EPAS1: variants seen among roughly 807,000 people sequenced by gnomAD.
The protein encoded by EPAS1 is endothelial PAS domain-containing protein 1.
In EPAS1, 23 loss-of-function variants were observed where a neutral mutation model predicts 87.9. That is an observed-to-expected ratio of 0.26 (90% CI 0.19 to 0.37). EPAS1 has a LOEUF of 0.37. Ranked by LOEUF, EPAS1 falls within the 10% of genes least tolerant of loss-of-function variation. EPAS1 has a pLI of 1.00. For missense variants in EPAS1, 1,138 were observed against 1,120.7 expected (o/e 1.02, Z -0.22); for synonymous variants, 508 against 444.3 (o/e 1.14, Z -1.80).
chr2:46,365,357 G>C (rs1443513107), intron 6 of EPAS1, among the ~76,000 whole-genome samples: 1 of 152,116 alleles, frequency 6.6e-6, no homozygotes, highest in Admixed American at 6.5e-5. Context: ...AGGGAACATA[G>C]GACATATTAA....
rs967487058 is a variant in EPAS1 at position 46,297,798 on chromosome 2, C to T, written c.-114C>T. The T allele has an allele frequency of 4.1e-6, 6 of 1,454,522 alleles. No individual in the cohort carries two copies. The highest frequency in any genetic ancestry group is 1.4e-5 in the African/African-American group (1 of 70,792). 90.1% of individuals were successfully genotyped at this position (1,454,522 alleles called of 1,614,324 possible). A position where few individuals can be genotyped will look rare whatever the true frequency, so the allele number is the denominator to read the frequency against. On this transcript the variant is annotated 5_prime_UTR_variant, in exon 1 of 16. Coordinates refer to ENST00000263734, the MANE Select transcript of EPAS1 (RefSeq NM_001430.5). ...CGGGGCGCTCGGGACCTGCGCGCAC[C>T]TCGGACCTTCACCACCCGCCCGGGC...
At position 46,305,568 on chromosome 2, in the gene EPAS1, A is replaced by G. The variant is rs556356809; in HGVS notation, c.26+7631A>G. 2.0e-5 allele frequency among the ~76,000 whole-genome samples: 3 copies of G among 152,342 alleles called. No individual in the cohort carries two copies. The East Asian group carries it at 5.8e-4, about 29-fold the overall frequency. On this transcript the variant is annotated intron_variant, in intron 1 of 15. Coordinates refer to ENST00000263734, the MANE Select transcript of EPAS1 (RefSeq NM_001430.5). ...CTTTTCTCATGTGGAAAAATATTTC[A>G]GAAAGGGTGTCTTGTCAATGAGAAA...
Position 46,315,343 on chromosome 2 carries a change from G to A in EPAS1, c.26+17406G>A, listed in dbSNP as rs914490338. Among the ~76,000 whole-genome samples the A allele has an allele frequency of 3.9e-5, 6 of 152,134 alleles. No individual in the cohort carries two copies. The East Asian group carries it at 5.8e-4, about 15-fold the overall frequency. ...AGTCATGTTGTACAGAGGGGGCGGG[G>A]GTGCATACTGTGGGACGGAGGTGAG... On this transcript the variant is annotated intron_variant, in intron 1 of 15. Coordinates refer to ENST00000263734, the MANE Select transcript of EPAS1 (RefSeq NM_001430.5).
rs1392053143 is a variant in EPAS1 at position 46,386,589 on chromosome 2, G to A, written c.*1929G>A. On this transcript the variant is annotated 3_prime_UTR_variant, in exon 16 of 16. Coordinates refer to ENST00000263734, the MANE Select transcript of EPAS1 (RefSeq NM_001430.5). ...CTGTCAACGTAACGATTTCATGAACGTTATTATATTGTCGAATTCCTACTG... is the reference window on the plus strand; with the variant it reads ...CTGTCAACGTAACGATTTCATGAACATTATTATATTGTCGAATTCCTACTG... The A allele has an allele frequency of 2.0e-5, 3 of 152,586 alleles. No homozygotes were observed. The highest frequency in any genetic ancestry group is 7.2e-5 in the African/African-American group (3 of 41,428). 9.5% of individuals were successfully genotyped at this position (152,586 alleles called of 1,614,324 possible).
In EPAS1 at chr2:46,362,977, AGTG is replaced by A. The variant is rs75642579; in HGVS notation, c.779+1927_779+1929del. On this transcript the variant is annotated intron_variant, in intron 6 of 15. Transcript: ENST00000263734. ...TAGTGGTGGTGGTGGTGGTGGTGGTAGTGGTGGTGGTGGTGGTGGTGGTGGTGG... is the reference window on the plus strand; with the variant it reads ...TAGTGGTGGTGGTGGTGGTGGTGGTAGTGGTGGTGGTGGTGGTGGTGGTGG... 1.8e-3 allele frequency among the ~76,000 whole-genome samples: 183 copies of A among 104,360 alleles called. 1 individual carries two copies. Among genetic ancestry groups the A allele is most frequent in the Middle Eastern group, 5.4e-3 (1 of 186 alleles). 68.5% of individuals were successfully genotyped at this position (104,360 alleles called of 152,430 possible). A position where few individuals can be genotyped will look rare whatever the true frequency, so the allele number is the denominator to read the frequency against.
intron 15 of EPAS1, among the ~76,000 whole-genome samples, chr2:46,383,419 G>C (rs552738295): frequency 6.6e-6 from 1 of 152,332 alleles, no homozygotes; most frequent in African/African-American, 2.4e-5. Context: ...GGTTTGTTTG[G>C]CCTGAAAATA....
At chr2:46,301,837 AAAGG>A (rs1287035206) in intron 1 of EPAS1, among the ~76,000 whole-genome samples, 4 of 151,986 alleles carry the variant, frequency 2.6e-5, no homozygotes, top group Non-Finnish European at 1.5e-5. Flanking sequence ...AAAAAAAAAA[AAAGG>A]AAGCAGAGTT....
chr2:46,326,440 C>G (rs1683567345), intron 1 of EPAS1, among the ~76,000 whole-genome samples: 1 of 152,100 alleles, frequency 6.6e-6, no homozygotes, highest in South Asian at 2.1e-4. Flanking sequence ...GGGGATGAGC[C>G]TCCCACGTGA....
At chr2:46,340,809 G>A (rs993364627) in intron 1 of EPAS1, among the ~76,000 whole-genome samples, 1 of 152,066 alleles carries the variant, frequency 6.6e-6, no homozygotes, top group African/African-American at 2.4e-5. Flanking sequence ...CTGCAGCCTC[G>A]AGCTCCCAGG....
intron 1 of EPAS1, among the ~76,000 whole-genome samples, chr2:46,298,906 C>A (rs1352365058): frequency 1.3e-5 from 2 of 152,234 alleles, no homozygotes; most frequent in African/African-American, 4.8e-5. Flanking sequence ...CCTTTCTCCT[C>A]CTGTCTCCAC....
intron 2 of EPAS1, among the ~76,000 whole-genome samples, chr2:46,354,486 C>A (rs1434857255): frequency 6.6e-6 from 1 of 151,504 alleles, no homozygotes; most frequent in African/African-American, 2.4e-5. Context: ...AACCAAAGGC[C>A]TGGGGCCTAA....
At chr2:46,337,529 C>G (rs937962158) in intron 1 of EPAS1, among the ~76,000 whole-genome samples, 2 of 152,180 alleles carry the variant, frequency 1.3e-5, no homozygotes, top group Non-Finnish European at 2.9e-5. Context: ...CGTTTTACAT[C>G]TCAGGCCTTT....
chr2:46,380,479 C>A lies in EPAS1; in HGVS notation c.1807C>A (p.Pro603Thr). The change falls in exon 12 of 16, where the codon CCC becomes ACC. Residue 603 changes from proline (P) to threonine (T), a missense_variant. By Grantham distance (38) the Pro-to-Thr change is conservative. Around this residue, in one of 4 missense-constraint regions of EPAS1, gnomAD observed 502 missense variants for 427.1 expected, o/e 1.18. Transcript: ENST00000263734. This position sits in a 1 kb window ranked among gnomAD's most constrained non-coding sequence, Gnocchi z 4.4. Reference sequence around the variant, plus strand: ...CAAGAAGACAGAGCCCGAGCACCGGCCCATGTCCTCCATCTTCTTTGATGC... The same window carrying A: ...CAAGAAGACAGAGCCCGAGCACCGGACCATGTCCTCCATCTTCTTTGATGC... ...ESKKTEPEHRPMSSIFFDAGS... is the reference protein window; with the variant it reads ...ESKKTEPEHRTMSSIFFDAGS... 6.2e-7 allele frequency: 1 copy of A among 1,614,184 alleles called. No individual in the cohort carries two copies. Among genetic ancestry groups the A allele is most frequent in the African/African-American group, 1.3e-5 (1 of 75,052 alleles).
intron 15 of EPAS1, among the ~76,000 whole-genome samples, chr2:46,382,836 C>T (rs890549018): frequency 7.2e-5 from 11 of 152,200 alleles, no homozygotes; most frequent in Non-Finnish European, 4.4e-5. Context: ...AACTCAAACT[C>T]AGGCTAGAAT....
At chr2:46,316,212 GTTATGT>G (rs1198152939) in intron 1 of EPAS1, among the ~76,000 whole-genome samples, 1 of 151,746 alleles carries the variant, frequency 6.6e-6, no homozygotes, top group Non-Finnish European at 1.5e-5. Flanking sequence ...GCATATGAAA[GTTATGT>G]TTATATTTTA....
In EPAS1 at chr2:46,347,047, C is replaced by T; in HGVS notation, c.201C>T (p.His67=). The change falls in exon 2 of 16, where the codon CAC becomes CAT. Residue 67 remains histidine (H), a synonymous_variant. Coordinates refer to ENST00000263734, the MANE Select transcript of EPAS1 (RefSeq NM_001430.5). This position sits in a 1 kb window ranked among gnomAD's most constrained non-coding sequence, Gnocchi z 4.2. The part of the protein sequence containing the change: ...MRLAISFLRT[H]KLLSSVCSEN... ...TGGCAATCAGCTTCCTGCGAACACA[C>T]AAGCTCCTCTCCTCAGGTAAGGCCA... is the stretch of plus-strand genomic sequence containing the variant. 1 of 1,614,222 alleles carries T rather than the reference C, an allele frequency of 6.2e-7. No homozygotes were observed. Among genetic ancestry groups the T allele is most frequent in the Non-Finnish European group, 8.5e-7 (1 of 1,180,038 alleles).
At chr2:46,324,563 C>G (rs1683516577) in intron 1 of EPAS1, among the ~76,000 whole-genome samples, 1 of 152,212 alleles carries the variant, frequency 6.6e-6, no homozygotes, top group Admixed American at 6.5e-5. Flanking sequence ...CAAACCAAGA[C>G]ACAGTTAAAG....
intron 1 of EPAS1, among the ~76,000 whole-genome samples, chr2:46,342,584 C>G (rs1030221629): frequency 6.6e-6 from 1 of 152,158 alleles, no homozygotes; most frequent in African/African-American, 2.4e-5. Flanking sequence ...AAAAGTCTAG[C>G]TAATTAGGCA....
At chr2:46,332,291 C>CGTGTGTGTGTGTGTGTGTGT (rs57893491) in intron 1 of EPAS1, among the ~76,000 whole-genome samples, 1 of 110,800 alleles carries the variant, frequency 9.0e-6, no homozygotes, top group Admixed American at 1.1e-4. Flanking sequence ...AAAAAAAATA[C>CGTGTGTGTGTGTGTGTGTGT]GTGTGTGTGT....
Sources: allele counts gnomAD v4.1 joint callset (sites outside exome capture counted in the v4.1 genomes callset), GRCh38; gene constraint gnomAD v4.1.1; regional missense constraint gnomAD v4.1.1; non-coding constraint Gnocchi (gnomAD v3.1); transcripts MANE v1.5; gene names NCBI Gene and HGNC (gene_info 2026-07-23, HGNC 2026-07-21).